The following STK32B variants were observed in gnomAD, a reference collection of about 807,000 sequenced individuals.
STK32B encodes the protein serine/threonine kinase 32B, also known as serine/threonine-protein kinase 32B.
In STK32B, 43 loss-of-function variants were observed where a neutral mutation model predicts 52.6. The observed-to-expected ratio is 0.82, with a 90% CI of 0.64 to 1.05. The LOEUF is 1.05. Among genes scored for constraint, STK32B ranks in the 50% least tolerant of loss-of-function variants. STK32B has a pLI of 0.00. For synonymous variants in STK32B, 238 were observed against 204.3 expected, an observed-to-expected ratio of 1.17 and a Z score of -1.41; for missense variants, 621 against 534.6, an observed-to-expected ratio of 1.16 and a Z score of -1.59.
At chr4:5,227,148 AGTTT>A (rs1723929265) in intron 3 of STK32B, among the ~76,000 whole-genome samples, 1 of 152,208 alleles carries the variant, frequency 6.6e-6, no homozygotes, top group South Asian at 2.1e-4. Context: ...ATATTTTAAT[AGTTT>A]GTTTTTTCAT....
chr4:5,301,639 T>G (rs1729559466), intron 3 of STK32B, among the ~76,000 whole-genome samples: 1 of 149,010 alleles, frequency 6.7e-6, no homozygotes, highest in East Asian at 1.9e-4. Context: ...CATTTCAAAT[T>G]TAATAATTTG....
At chr4:5,257,030 G>C (rs530212123) in intron 3 of STK32B, among the ~76,000 whole-genome samples, 13 of 152,016 alleles carry the variant, frequency 8.6e-5, no homozygotes, top group African/African-American at 3.1e-4. Flanking sequence ...TGAATGAGTG[G>C]ATGAATAAGT....
chr4:5,269,673 T>A lies in STK32B; in HGVS notation c.261-61547T>A, dbSNP rs186201432. On this transcript the variant is annotated intron_variant, in intron 3 of 11. Coordinates refer to ENST00000282908, the MANE Select transcript of STK32B (RefSeq NM_018401.3). Reference sequence around the variant, plus strand: ...AAACTTCTAGAGATCAAAACTGCAATATTTGTGCTGAAAAATACACTGTAT... The same window carrying A: ...AAACTTCTAGAGATCAAAACTGCAAAATTTGTGCTGAAAAATACACTGTAT... Among the ~76,000 whole-genome samples the A allele has an allele frequency of 3.4e-3, 517 of 152,318 alleles. 4 individuals are homozygous for A. The highest frequency in any genetic ancestry group is 5.6e-3 in the Non-Finnish European group (380 of 68,034).
chr4:5,405,827 G>C (rs902228848), intron 5 of STK32B, among the ~76,000 whole-genome samples: 2 of 152,080 alleles, frequency 1.3e-5, no homozygotes, highest in African/African-American at 4.8e-5. Flanking sequence ...ATTACAATTA[G>C]ACATGAGATT....
At chr4:5,494,595 T>C (rs6846034) in intron 11 of STK32B, among the ~76,000 whole-genome samples, 3 of 152,286 alleles carry the variant, frequency 2.0e-5, no homozygotes, top group African/African-American at 4.8e-5. Flanking sequence ...AATATTGTTA[T>C]GTGTGAATTT....
intron 2 of STK32B, among the ~76,000 whole-genome samples, chr4:5,151,661 C>T (rs557231160): frequency 1.2e-4 from 18 of 152,280 alleles, no homozygotes; most frequent in Admixed American, 1.3e-4. Flanking sequence ...AGTTGAGGCA[C>T]ACCACATTAA....
chr4:5,124,372 G>A (rs535884709), intron 1 of STK32B, among the ~76,000 whole-genome samples: 2 of 152,260 alleles, frequency 1.3e-5, no homozygotes, highest in South Asian at 4.1e-4. Context: ...AGAGGTGGGT[G>A]GACATTCCCT....
At chr4:5,393,352 G>A (rs1736698825) in intron 4 of STK32B, among the ~76,000 whole-genome samples, 1 of 152,186 alleles carries the variant, frequency 6.6e-6, no homozygotes, top group Non-Finnish European at 1.5e-5. Flanking sequence ...CCATTAGAGA[G>A]GGCATTATTA....
chr4:5,036,223 C>T, the STK32B span, among the ~76,000 whole-genome samples: 1 of 152,178 alleles, frequency 6.6e-6, no homozygotes, highest in Non-Finnish European at 1.5e-5. Context: ...CTGAAAGCTG[C>T]TGGGTGCAGT....
intron 4 of STK32B, among the ~76,000 whole-genome samples, chr4:5,342,789 G>T (rs1733174690): frequency 6.6e-6 from 1 of 152,110 alleles, no homozygotes; most frequent in Non-Finnish European, 1.5e-5. Context: ...CTGATATAAT[G>T]CCTGGCACAT....
the STK32B span, among the ~76,000 whole-genome samples, chr4:5,040,302 T>A: frequency 6.6e-6 from 1 of 152,168 alleles, no homozygotes. Context: ...ACTCCTTCAT[T>A]TTTTTCAGTT....
At chr4:5,446,252 CAGGTTTTACTGTCCA>C (rs1213990660) in intron 6 of STK32B, among the ~76,000 whole-genome samples, 1 of 152,208 alleles carries the variant, frequency 6.6e-6, no homozygotes, top group East Asian at 1.9e-4. Flanking sequence ...GAAAAAAGTA[CAGGTTTTACTGTCCA>C]AGAAAGCTAG....
At chr4:5,269,909 G>T (rs565523557) in intron 3 of STK32B, among the ~76,000 whole-genome samples, 3 of 151,928 alleles carry the variant, frequency 2.0e-5, no homozygotes, top group Non-Finnish European at 4.4e-5. Context: ...AATAATAAAA[G>T]AATAATAGTG....
intron 3 of STK32B, among the ~76,000 whole-genome samples, chr4:5,205,628 T>C (rs1722506489): frequency 6.6e-6 from 1 of 151,482 alleles, no homozygotes; most frequent in Non-Finnish European, 1.5e-5. Context: ...AGATTTGGGG[T>C]TGAAGGGGTA....
At chr4:5,102,473 C>CTTCT (rs1713847447) in intron 1 of STK32B, among the ~76,000 whole-genome samples, 1 of 134,068 alleles carries the variant, frequency 7.5e-6, no homozygotes, top group African/African-American at 2.8e-5. Context: ...TCCTTCCTTC[C>CTTCT]TTCCTTCCTT....
chr4:5,371,042 A>ATGTGTATATATATGTATATGTG (rs1735206528), intron 4 of STK32B, among the ~76,000 whole-genome samples: 1 of 149,242 alleles, frequency 6.7e-6, no homozygotes, highest in Non-Finnish European at 1.5e-5. Context: ...ATGTATATAT[A>ATGTGTATATATATGTATATGTG]TGTGTGTGTG....
intron 3 of STK32B, among the ~76,000 whole-genome samples, chr4:5,205,083 C>G (rs1371490532): frequency 2.6e-5 from 4 of 152,232 alleles, no homozygotes; most frequent in African/African-American, 9.6e-5. Flanking sequence ...AGGAAGAGCA[C>G]ATTTTCCCTC....
chr4:5,250,140 C>G (rs1179235627), intron 3 of STK32B, among the ~76,000 whole-genome samples: 1 of 152,088 alleles, frequency 6.6e-6, no homozygotes, highest in Non-Finnish European at 1.5e-5. Flanking sequence ...GCCATATTTT[C>G]TTTATCCAGT....
chr4:5,175,301 C>T (rs1367163241), intron 3 of STK32B, among the ~76,000 whole-genome samples: 2 of 152,166 alleles, frequency 1.3e-5, no homozygotes, highest in African/African-American at 4.8e-5. Context: ...CTTCTCTCAA[C>T]TCGTCAAAGT....
Sources: gnomAD v4.1 joint callset for allele counts (sites outside exome capture counted in the v4.1 genomes callset) on GRCh38, gnomAD v4.1.1 for gene constraint, MANE v1.5 for transcripts, NCBI Gene and HGNC (gene_info 2026-07-23, HGNC 2026-07-21) for gene names.